CLHC1: variants seen among roughly 807,000 people sequenced by gnomAD.
The protein encoded by CLHC1 is clathrin heavy chain linker domain containing 1, also known as clathrin heavy chain linker domain-containing protein 1.
In CLHC1, 72 loss-of-function variants were observed where a neutral mutation model predicts 69.5. The observed-to-expected ratio is 1.04, with a 90% CI of 0.86 to 1.26. CLHC1 has a LOEUF of 1.26. CLHC1 is among the 50% of genes most tolerant of loss of function. The pLI, the probability that CLHC1 is intolerant of heterozygous loss-of-function variation, is 0.00. For missense variants in CLHC1, 790 were observed against 679.3 expected, an observed-to-expected ratio of 1.16 and a Z score of -1.81; for synonymous variants, 223 against 224.3, an observed-to-expected ratio of 0.99 and a Z score of 0.05.
intron 9 of CLHC1, among the ~76,000 whole-genome samples, chr2:55,193,692 G>A (rs1671140843): frequency 6.6e-6 from 1 of 152,148 alleles, no homozygotes; most frequent in Non-Finnish European, 1.5e-5. Flanking sequence ...GGAAAACGGT[G>A]CAACCAAACA....
chr2:55,217,371 A>T (rs992020208), intron 4 of CLHC1, among the ~76,000 whole-genome samples: 7 of 150,488 alleles, frequency 4.7e-5, no homozygotes, highest in Admixed American at 2.0e-4. Context: ...TTAAAAAAAA[A>T]AATTAGCTGG....
rs560819562 is a variant in CLHC1, at chr2:55,206,190, A to T, written c.1006+80T>A. 8 of 797,512 alleles carry T rather than the reference A, an allele frequency of 1.0e-5. No individual in the cohort carries two copies. The South Asian group carries it at 1.1e-4, about 11-fold the overall frequency. 49.4% of individuals were successfully genotyped at this position (797,512 alleles called of 1,614,324 possible). A position where few individuals can be genotyped will look rare whatever the true frequency, so the allele number is the denominator to read the frequency against. ...CTGGGGCCTAGATCTTTAGTCTCCC[A>T]GTTTAATGCTTTTTCTATTTTATGA... On this transcript the variant is annotated intron_variant, in intron 9 of 12. Transcript: ENST00000401408.
Position 55,222,253 on chromosome 2 carries a change from G to A in CLHC1, c.159C>T (p.Tyr53=), listed in dbSNP as rs774752917. ...ATGATACCTTATCAAAAACATTTCG[G>A]TATATGATGTAATATTCATCAGCAG... The part of the protein sequence containing the change: ...EGPADEYYII[Y]RNVFDKVIEH... Residue 53 remains tyrosine, a synonymous_variant, in exon 3 of 13, where the codon TAC becomes TAT. Coordinates refer to ENST00000401408, the MANE Select transcript of CLHC1 (RefSeq NM_152385.4). The A allele has an allele frequency of 2.5e-6, 4 of 1,612,106 alleles. No homozygotes were observed. In the South Asian group the frequency reaches 4.4e-5, roughly 18 times the overall value.
At chr2:55,182,412 A>G (rs1573598630) in intron 9 of CLHC1, among the ~76,000 whole-genome samples, 1 of 152,202 alleles carries the variant, frequency 6.6e-6, no homozygotes, top group African/African-American at 2.4e-5. Flanking sequence ...CATGACTACA[A>G]TTCATTTTTT....
chr2:55,204,767 C>T (rs1672279743), intron 9 of CLHC1, among the ~76,000 whole-genome samples: 1 of 152,080 alleles, frequency 6.6e-6, no homozygotes, highest in African/African-American at 2.4e-5. Flanking sequence ...AGAATGAGAT[C>T]CTATCATTTA....
At chr2:55,208,815 T>A in intron 7 of CLHC1, 105 bp from the exon 8 acceptor site, 1 of 617,688 alleles carries the variant, frequency 1.6e-6, no homozygotes. Context: ...CTATGGCTCC[T>A]AACAGCAGCA....
At chr2:55,177,578 C>T (rs2103646470) in intron 12 of CLHC1, 24 bp downstream of exon 12, 1 of 1,535,576 alleles carries the variant, frequency 6.5e-7, no homozygotes, top group South Asian at 1.2e-5. Flanking sequence ...TACTATTTCT[C>T]CCACAACATT....
intron 5 of CLHC1, among the ~76,000 whole-genome samples, chr2:55,211,226 G>T (rs191984277): frequency 6.6e-6 from 1 of 152,080 alleles, no homozygotes; most frequent in Non-Finnish European, 1.5e-5. Flanking sequence ...TCTAGGCCAG[G>T]TGCAGTGGCT....
intron 9 of CLHC1, among the ~76,000 whole-genome samples, chr2:55,197,359 A>G (rs1262758339): frequency 2.6e-5 from 4 of 152,208 alleles, no homozygotes; most frequent in Admixed American, 2.6e-4. Flanking sequence ...TGTAGGAGGT[A>G]GCCATGTAGT....
intron 5 of CLHC1, among the ~76,000 whole-genome samples, chr2:55,211,397 G>A (rs1672988624): frequency 6.6e-6 from 1 of 151,546 alleles, no homozygotes; most frequent in South Asian, 2.1e-4. Flanking sequence ...AGCTACTCAG[G>A]AGGCTGAGGC....
At chr2:55,208,775 A>G (rs1672685280) in intron 7 of CLHC1, 65 bp from the exon 8 acceptor site, 3 of 1,145,200 alleles carry the variant, frequency 2.6e-6, no homozygotes, top group Non-Finnish European at 3.9e-6. Context: ...AACAATAAAC[A>G]TACATGTGTT....
Position 55,180,490 on chromosome 2 carries a change from T to C in CLHC1, c.1384+20A>G, listed in dbSNP as rs1669822505. ...AGCCCAGAATTCAAATGTATACAAATGGCAGACTTTTTAACTTACCGGTAG... is the reference window on the plus strand; with the variant it reads ...AGCCCAGAATTCAAATGTATACAAACGGCAGACTTTTTAACTTACCGGTAG... On this transcript the variant is annotated intron_variant, in intron 11 of 12. Coordinates refer to ENST00000401408, the MANE Select transcript of CLHC1 (RefSeq NM_152385.4). 1 of 1,583,750 alleles carries C rather than the reference T, an allele frequency of 6.3e-7. No homozygotes were observed. The highest frequency in any genetic ancestry group is 1.7e-5 in the Admixed American group (1 of 59,822).
At chr2:55,229,716 G>A (rs1013296291) in intron 1 of CLHC1, among the ~76,000 whole-genome samples, 5 of 152,230 alleles carry the variant, frequency 3.3e-5, no homozygotes, top group Non-Finnish European at 7.3e-5. Context: ...TTTCCTCTGA[G>A]TGAGATTCGA....
At chr2:55,177,343 T>G (rs1669486305) in intron 12 of CLHC1, among the ~76,000 whole-genome samples, 1 of 152,222 alleles carries the variant, frequency 6.6e-6, no homozygotes, top group African/African-American at 2.4e-5. Flanking sequence ...AAGTTTTTAG[T>G]GTTAGTGATC....
intron 2 of CLHC1, among the ~76,000 whole-genome samples, chr2:55,223,799 C>CTT (rs148429043): frequency 2.7e-5 from 4 of 145,466 alleles, no homozygotes; most frequent in Non-Finnish European, 6.1e-5. Flanking sequence ...CGGATCGTAA[C>CTT]TTTTTTTTTT....
chr2:55,224,422 G>C lies in CLHC1; in HGVS notation c.-82-1929C>G, dbSNP rs1558520652. ...TCCTGGAGGAAAGCTATGTCACAAA[G>C]GATCCCTTCACCTCCGACAATGTCA... is the stretch of plus-strand genomic sequence containing the variant. On this transcript the variant is annotated intron_variant, in intron 2 of 12. Coordinates refer to ENST00000401408, the MANE Select transcript of CLHC1 (RefSeq NM_152385.4). 9.2e-6 allele frequency: 4 copies of C among 435,446 alleles called. 1 individual carries two copies. Among genetic ancestry groups the C allele is most frequent in the South Asian group, 5.4e-5 (3 of 55,086 alleles). 27.0% of individuals were successfully genotyped at this position (435,446 alleles called of 1,614,324 possible).
intron 9 of CLHC1, among the ~76,000 whole-genome samples, chr2:55,201,283 A>G (rs1671921058): frequency 6.6e-6 from 1 of 152,028 alleles, no homozygotes; most frequent in Non-Finnish European, 1.5e-5. Context: ...AAACTAAGTA[A>G]GAAAAAAAGA....
At chr2:55,179,097 T>C (rs1051301794) in intron 11 of CLHC1, among the ~76,000 whole-genome samples, 7 of 151,918 alleles carry the variant, frequency 4.6e-5, no homozygotes, top group African/African-American at 1.7e-4. Context: ...TTTTAAATTC[T>C]AAGAGTAATT....
In CLHC1 at chr2:55,222,487, G is replaced by T; in HGVS notation, c.-76C>A. ...GCTCTTGCAACAAAGCCAAAACTTT[G>T]ATAAGCCTGAAAGAAAAAAAGAGCA... On this transcript the variant is annotated 5_prime_UTR_variant, in exon 3 of 13. Transcript: ENST00000401408. The T allele has an allele frequency of 9.3e-7, 1 of 1,079,020 alleles. No individual in the cohort carries two copies. The highest frequency in any genetic ancestry group is 1.3e-6 in the Non-Finnish European group (1 of 753,648). The allele number at this position is 1,079,020 out of a possible 1,614,324, so 66.8% of individuals were successfully genotyped here.
Sources: allele counts gnomAD v4.1 joint callset (sites outside exome capture counted in the v4.1 genomes callset), GRCh38; gene constraint gnomAD v4.1.1; transcripts MANE v1.5; gene names NCBI Gene and HGNC (gene_info 2026-07-23, HGNC 2026-07-21).